The following TMEM150B variants were observed in gnomAD, a reference collection of about 807,000 sequenced individuals.
The protein encoded by TMEM150B is modulator of macroautophagy TMEM150B.
A neutral mutation model predicts 25.2 loss-of-function variants in TMEM150B; 33 were observed. The observed-to-expected ratio is 1.31, with a 90% CI of 0.99 to 1.75. TMEM150B has a LOEUF of 1.75. TMEM150B is among the 40% of genes most tolerant of loss of function. TMEM150B has a pLI of 0.00. For missense variants in TMEM150B, 322 were observed against 306.1 expected (o/e 1.05, Z -0.39); for synonymous variants, 133 against 134.8 (o/e 0.99, Z 0.09).
chr19:55,312,788 T>G, downstream of TMEM150B: 1 of 1,446,164 alleles, frequency 6.9e-7, no homozygotes, highest in Non-Finnish European at 9.3e-7. Context: ...TCTTGCTGGG[T>G]GCGGGGCACT....
chr19:55,320,047 T>A lies in TMEM150B; in HGVS notation c.316A>T (p.Asn106Tyr). 1 of 1,613,796 alleles carries A rather than the reference T, an allele frequency of 6.2e-7. No individual in the cohort carries two copies. Among genetic ancestry groups the A allele is most frequent in the Non-Finnish European group, 8.5e-7 (1 of 1,179,956 alleles). ...LCALGTSVVG[N>Y]FQEKNQRPTH... ...CGCCGACTGGGTCTCACCTGGAAAT[T>A]GCCTACCACGGAGGTGCCCAGGGCA... The change falls in exon 6 of 8, where the codon AAT (asparagine) becomes TAT (tyrosine). Residue 106 changes from asparagine (N) to tyrosine (Y), a missense_variant. Physicochemically the swap from Asn to Tyr is moderately radical, Grantham distance 143. Coordinates refer to ENST00000326652, the MANE Select transcript of TMEM150B (RefSeq NM_001282011.2).
At chr19:55,319,742 G>A (rs528753820) in intron 6 of TMEM150B, 1 of 1,202,186 alleles carries the variant, frequency 8.3e-7, no homozygotes, top group Non-Finnish European at 1.0e-6. Context: ...GAGCCACTGC[G>A]CCTGGACCAG....
chr19:55,321,067 G>T lies in TMEM150B; in HGVS notation c.-31C>A. 1 of 1,602,906 alleles carries T rather than the reference G, an allele frequency of 6.2e-7. No homozygotes were observed. The highest frequency in any genetic ancestry group is 8.5e-7 in the Non-Finnish European group (1 of 1,174,422). ...GCTCTGCAGGTGAAGGATCGGGGCT[G>T]AGGCTGGACACCTGTCTCTCTCACA... On this transcript the variant is annotated 5_prime_UTR_variant, in exon 3 of 8. Transcript: ENST00000326652.
chr19:55,310,983 CAG>C (rs1173766599), downstream of TMEM150B, among the ~76,000 whole-genome samples: 2 of 152,042 alleles, frequency 1.3e-5, no homozygotes, highest in African/African-American at 4.8e-5. This position sits in a 1 kb window ranked among gnomAD's most constrained non-coding sequence, Gnocchi z 5.0. Context: ...TTTTTTGAGA[CAG>C]AATCTCCCTC....
intron 6 of TMEM150B, chr19:55,319,572 C>A (rs7508682): frequency 0.48 from 89,974 of 187,188 alleles, 22,340 homozygotes; most frequent in African/African-American, 0.55. Context: ...CTGCCTCCCA[C>A]GTAGCTGGGA....
rs748300628 is a variant in TMEM150B, at chr19:55,320,055, A to G, written c.308T>C (p.Val103Ala). 1 of 1,614,108 alleles carries G rather than the reference A, an allele frequency of 6.2e-7. No individual in the cohort carries two copies. Residue 103 changes from valine to alanine, a missense_variant, in exon 6 of 8, where the codon GTG (valine) becomes GCG (alanine). Coordinates refer to ENST00000326652, the MANE Select transcript of TMEM150B (RefSeq NM_001282011.2). Reference protein sequence around the residue: ...TGLLCALGTSVVGNFQEKNQR... With the variant: ...TGLLCALGTSAVGNFQEKNQR... ...GGGTCTCACCTGGAAATTGCCTACC[A>G]CGGAGGTGCCCAGGGCACACAGAAG...
rs2089172362 is a variant in TMEM150B, at chr19:55,320,539, T to C, written c.128+19A>G. 6.2e-7 allele frequency: 1 copy of C among 1,613,932 alleles called. No homozygotes were observed. The highest frequency in any genetic ancestry group is 8.5e-7 in the Non-Finnish European group (1 of 1,179,880). On this transcript the variant is annotated intron_variant, in intron 4 of 7. Transcript: ENST00000326652. Reference sequence around the variant, plus strand: ...TGCAGCGGCGATCCCCCCAAATCCCTACCCTCGGGCAGAATTACCTGATGT... The same window carrying C: ...TGCAGCGGCGATCCCCCCAAATCCCCACCCTCGGGCAGAATTACCTGATGT...
intron 1 of TMEM150B, among the ~76,000 whole-genome samples, chr19:55,324,485 T>C (rs1348162917): frequency 6.6e-6 from 1 of 151,828 alleles, no homozygotes; most frequent in Non-Finnish European, 1.5e-5. Flanking sequence ...CCGTCTCTAC[T>C]AAAAATACAA....
At chr19:55,309,557 G>C (rs932226051), downstream of TMEM150B, among the ~76,000 whole-genome samples, 1 of 152,224 alleles carries the variant, frequency 6.6e-6, no homozygotes, top group Non-Finnish European at 1.5e-5. Context: ...CAGACAGCAC[G>C]TTGGTGCTGT....
intron 1 of TMEM150B, chr19:55,324,625 G>A (rs531605385): frequency 7.5e-4 from 597 of 795,814 alleles, no homozygotes; most frequent in Middle Eastern, 1.9e-3. Context: ...TCCAGCCTGG[G>A]CGACAGAGTG....
chr19:55,312,960 C>T lies in TMEM150B; in HGVS notation c.601G>A (p.Val201Ile), dbSNP rs199670461. The T allele has an allele frequency of 1.3e-3, 2,026 of 1,613,512 alleles. 7 individuals carry two copies. The highest frequency in any genetic ancestry group is 1.6e-3 in the Non-Finnish European group (1,871 of 1,179,812). The change falls in exon 8 of 8, where the codon GTT becomes ATT. Residue 201 changes from valine (V) to isoleucine (I), a missense_variant. Coordinates refer to ENST00000326652, the MANE Select transcript of TMEM150B (RefSeq NM_001282011.2). ...CAGCTCTCCAGGGCGGAGAAGTCAA[C>T]GGCTAAGAGACCGAAGAGCGCGAAC... ...LLFALFGLLA[V>I]DFSALESCTL... is the part of the protein sequence containing the mutation.
At chr19:55,315,062 T>C (rs2088950005) in intron 7 of TMEM150B, among the ~76,000 whole-genome samples, 1 of 152,140 alleles carries the variant, frequency 6.6e-6, no homozygotes, top group Non-Finnish European at 1.5e-5. Context: ...ACACCTGTAA[T>C]CCCAGCACTT....
chr19:55,317,240 C>T lies in TMEM150B; in HGVS notation c.325-274G>A, dbSNP rs147628824. On this transcript the variant is annotated intron_variant, in intron 6 of 7. Coordinates refer to ENST00000326652, the MANE Select transcript of TMEM150B (RefSeq NM_001282011.2). Reference sequence around the variant, plus strand: ...TGGGATAAATCTTGCATTCTCAAGGCGGGGGACAGACATTTCCCCAAAAAT... The same window carrying T: ...TGGGATAAATCTTGCATTCTCAAGGTGGGGGACAGACATTTCCCCAAAAAT... 3.6e-3 allele frequency among the ~76,000 whole-genome samples: 552 copies of T among 152,272 alleles called. 4 individuals are homozygous for T. Among genetic ancestry groups the T allele is most frequent in the African/African-American group, 0.011 (474 of 41,560 alleles).
At chr19:55,319,699 C>G (rs1375611554) in intron 6 of TMEM150B, 3 of 1,064,608 alleles carry the variant, frequency 2.8e-6, no homozygotes, top group Non-Finnish European at 3.4e-6. Context: ...ATCCGCCTGC[C>G]TCCGCCTCCC....
At position 55,320,091 on chromosome 19, in the gene TMEM150B, A is replaced by T. The variant is rs2089154921; in HGVS notation, c.272T>A (p.Leu91Gln). Residue 91 changes from leucine to glutamine, a missense_variant, in exon 6 of 8, where the codon CTA becomes CAA. Transcript: ENST00000326652. ...GVRRWPNQLI[L>Q]WTGLLCALGT... ...CAGGGCACACAGAAGACCCGTCCAT[A>T]GGATCAGCTGGTTAGGCCACCTTCT... 6.2e-7 allele frequency: 1 copy of T among 1,614,148 alleles called. No individual in the cohort carries two copies. The highest frequency in any genetic ancestry group is 8.5e-7 in the Non-Finnish European group (1 of 1,180,024).
intron 1 of TMEM150B, among the ~76,000 whole-genome samples, chr19:55,323,002 T>G (rs367977044): frequency 6.6e-6 from 1 of 152,036 alleles, no homozygotes; most frequent in East Asian, 1.9e-4. Context: ...AACTCCTTCC[T>G]CCTTCCCCAA....
At position 55,325,008 on chromosome 19, in the gene TMEM150B, C is replaced by A. The variant is rs189157893; in HGVS notation, c.-154+264G>T. Reference sequence around the variant, plus strand: ...ACACTGATCTCCTGCCCTGCCCTGTCCTGTGTTTGCCACCTGGCTGATTCC... The same window carrying A: ...ACACTGATCTCCTGCCCTGCCCTGTACTGTGTTTGCCACCTGGCTGATTCC... On this transcript the variant is annotated intron_variant, in intron 1 of 7. Transcript: ENST00000326652. 1.8e-3 allele frequency: 687 copies of A among 386,730 alleles called. 13 individuals carry two copies. Among genetic ancestry groups the A allele is most frequent in the Non-Finnish European group, 1.3e-3 (358 of 282,734 alleles). The allele number at this position is 386,730 out of a possible 1,614,324, so 24.0% of individuals were successfully genotyped here. A position where few individuals can be genotyped will look rare whatever the true frequency, so the allele number is the denominator to read the frequency against.
rs996625593 is a variant in TMEM150B, at chr19:55,323,498, C to T, written c.-153-755G>A. ...TGCACTCCCAATGTTATGCAACCAT[C>T]GCCTCTTTCTTTTTTTTTTTTTGAG... On this transcript the variant is annotated intron_variant, in intron 1 of 7. Coordinates refer to ENST00000326652, the MANE Select transcript of TMEM150B (RefSeq NM_001282011.2). Among the ~76,000 whole-genome samples, 24 of 151,690 alleles carry T rather than the reference C, an allele frequency of 1.6e-4. 1 individual carries two copies. Among genetic ancestry groups the T allele is most frequent in the Admixed American group, 6.6e-5 (1 of 15,216 alleles).
intron 6 of TMEM150B, among the ~76,000 whole-genome samples, chr19:55,318,884 T>G (rs2089095944): frequency 6.6e-6 from 1 of 152,100 alleles, no homozygotes; most frequent in African/African-American, 2.4e-5. Flanking sequence ...CACTGCAGCC[T>G]CGACCTCCTG....
Sources: allele counts gnomAD v4.1 joint callset (sites outside exome capture counted in the v4.1 genomes callset), GRCh38; gene constraint gnomAD v4.1.1; non-coding constraint Gnocchi (gnomAD v3.1); transcripts MANE v1.5; gene names NCBI Gene and HGNC (gene_info 2026-07-23, HGNC 2026-07-21).